COQ7: variants seen among roughly 807,000 people sequenced by gnomAD.
COQ7 encodes coenzyme Q7, hydroxylase, also known as NADPH-dependent 3-demethoxyubiquinone 3-hydroxylase, mitochondrial.
A neutral mutation model predicts 25.0 loss-of-function variants in COQ7; 21 were observed. The observed-to-expected ratio is 0.84, with a 90% CI of 0.60 to 1.21. The LOEUF (loss-of-function observed/expected upper bound fraction) is 1.21. Ranked by LOEUF, COQ7 falls within the 50% of genes most tolerant of loss-of-function variation. COQ7 has a pLI of 0.00. For missense variants in COQ7, 311 were observed against 296.2 expected, an observed-to-expected ratio of 1.05 and a Z score of -0.37; for synonymous variants, 125 against 112.4, an observed-to-expected ratio of 1.11 and a Z score of -0.71.
chr16:19,067,751 C>T lies in COQ7; in HGVS notation c.73+14C>T, dbSNP rs1306548922. 3.1e-6 allele frequency: 5 copies of T among 1,598,314 alleles called. No individual in the cohort carries two copies. The highest frequency in any genetic ancestry group is 3.4e-6 in the Non-Finnish European group (4 of 1,177,484). ...GGTCCCTCTCAGGTAAAAGGAGGCGCGCAGTCACAGTCCTGCGCCGGTCTA... is the reference window on the plus strand; with the variant it reads ...GGTCCCTCTCAGGTAAAAGGAGGCGTGCAGTCACAGTCCTGCGCCGGTCTA... On this transcript the variant is annotated intron_variant, in intron 1 of 5. Transcript: ENST00000321998.
chr16:19,076,585 CTTTTTTTTTTT>C (rs67725348), intron 4 of COQ7, among the ~76,000 whole-genome samples: 8 of 80,510 alleles, frequency 9.9e-5, no homozygotes, highest in Admixed American at 4.6e-4. Flanking sequence ...GTGCTGTTCA[CTTTTTTTTTTT>C]TTTTTTTTTT....
intron 1 of COQ7, among the ~76,000 whole-genome samples, chr16:19,070,828 T>C (rs1369588319): frequency 6.6e-6 from 1 of 152,044 alleles, no homozygotes. Context: ...CTATTTTCCG[T>C]ATCTGCAAAA....
chr16:19,078,917 G>A lies in COQ7; in HGVS notation c.*759G>A, dbSNP rs1025674509. 13 of 152,252 alleles carry A rather than the reference G, an allele frequency of 8.5e-5. No homozygotes were observed. Among genetic ancestry groups the A allele is most frequent in the African/African-American group, 1.2e-4 (5 of 41,550 alleles). The allele number at this position is 152,252 out of a possible 1,614,324, so 9.4% of individuals were successfully genotyped here. ...TCCATCAAGTAAGTCAAAGATCATCGTTTCTGTTTTGAATTGTGGGTGATA... is the reference window on the plus strand; with the variant it reads ...TCCATCAAGTAAGTCAAAGATCATCATTTCTGTTTTGAATTGTGGGTGATA... On this transcript the variant is annotated 3_prime_UTR_variant, in exon 6 of 6. Coordinates refer to ENST00000321998, the MANE Select transcript of COQ7 (RefSeq NM_016138.5).
Position 19,075,863 on chromosome 16 carries a change from A to T in COQ7, c.507+3A>T. 1 of 1,614,164 alleles carries T rather than the reference A, an allele frequency of 6.2e-7. No individual in the cohort carries two copies. Among genetic ancestry groups the T allele is most frequent in the African/African-American group, 1.3e-5 (1 of 75,068 alleles). ...AAAAATACGAGGAACTTCTTCAGGT[A>T]TTTATCCGTGCTCTAGAACGGGGCT... On this transcript the variant is annotated splice_donor_region_variant and intron_variant, in intron 4 of 5. Transcript: ENST00000321998.
intron 2 of COQ7, among the ~76,000 whole-genome samples, chr16:19,073,178 G>T (rs535354104): frequency 5.4e-4 from 82 of 152,234 alleles, no homozygotes; most frequent in Admixed American, 1.3e-3. Flanking sequence ...GCATGGTGGT[G>T]CATGCCTGTA....
At chr16:19,074,155 AT>A in intron 3 of COQ7, 120 bp downstream of exon 3, 1 of 631,672 alleles carries the variant, frequency 1.6e-6, no homozygotes, top group South Asian at 2.8e-5. Flanking sequence ...TTTACTTCAT[AT>A]TTTTCCGAGG....
At chr16:19,074,224 G>A (rs1962714621) in intron 3 of COQ7, 189 bp downstream of exon 3, 1 of 485,708 alleles carries the variant, frequency 2.1e-6, no homozygotes, top group Non-Finnish European at 3.7e-6. Context: ...GAATCTTAAT[G>A]TCAGTACTTT....
chr16:19,068,787 G>T, intron 1 of COQ7: 7 of 388,394 alleles, frequency 1.8e-5, no homozygotes, highest in Admixed American at 3.2e-5. Context: ...GTGTTTTTTT[G>T]TATAGCTATG....
chr16:19,081,889 C>T (rs1474344269), downstream of COQ7, among the ~76,000 whole-genome samples: 1 of 152,086 alleles, frequency 6.6e-6, no homozygotes, highest in African/African-American at 2.4e-5. Context: ...CTGGCTGAAG[C>T]TCAGAAGAAA....
intron 1 of COQ7, among the ~76,000 whole-genome samples, chr16:19,070,352 G>A (rs1346053518): frequency 6.6e-6 from 1 of 152,136 alleles, no homozygotes; most frequent in Non-Finnish European, 1.5e-5. Context: ...CCACATATTC[G>A]CTGGCTGTTG....
chr16:19,072,404 A>G lies in COQ7; in HGVS notation c.252+298A>G, dbSNP rs190619719. On this transcript the variant is annotated intron_variant, in intron 2 of 5. Coordinates refer to ENST00000321998, the MANE Select transcript of COQ7 (RefSeq NM_016138.5). ...TAAGAATCGCTCAGCACAGCAGTCAACTGTGCTGAAATGTTGCAGCCCTGC... is the reference window on the plus strand; with the variant it reads ...TAAGAATCGCTCAGCACAGCAGTCAGCTGTGCTGAAATGTTGCAGCCCTGC... 2,285 of 353,020 alleles carry G rather than the reference A, an allele frequency of 6.5e-3. 29 individuals are homozygous for G. Among genetic ancestry groups the G allele is most frequent in the Non-Finnish European group, 7.7e-3 (1,449 of 189,012 alleles). 21.9% of individuals were successfully genotyped at this position (353,020 alleles called of 1,614,324 possible). A position where few individuals can be genotyped will look rare whatever the true frequency, so the allele number is the denominator to read the frequency against.
intron 4 of COQ7, among the ~76,000 whole-genome samples, chr16:19,076,182 G>A (rs1962829470): frequency 6.6e-6 from 1 of 151,684 alleles, no homozygotes. Context: ...AAACTCTTGG[G>A]TTCAAGTGAT....
chr16:19,067,963 CT>C (rs745813908), intron 1 of COQ7: 12 of 1,422,598 alleles, frequency 8.4e-6, no homozygotes, highest in Non-Finnish European at 1.1e-5. Flanking sequence ...GCAGTGACGC[CT>C]GGGGAGTGAC....
chr16:19,069,407 G>GC (rs1473687656), intron 1 of COQ7, among the ~76,000 whole-genome samples: 1 of 124,382 alleles, frequency 8.0e-6, no homozygotes, highest in Non-Finnish European at 1.7e-5. Context: ...CCTGATTATT[G>GC]CCTTTTTTTT....
intron 4 of COQ7, 97 bp downstream of exon 4, chr16:19,075,957 A>G (rs531248347): frequency 2.0e-6 from 3 of 1,521,358 alleles, no homozygotes; most frequent in Non-Finnish European, 1.8e-6. Context: ...TTAGGGGATG[A>G]TGGGGGTTTA....
downstream of COQ7, among the ~76,000 whole-genome samples, chr16:19,081,820 T>C (rs1404653275): frequency 6.6e-6 from 1 of 152,248 alleles, no homozygotes; most frequent in Non-Finnish European, 1.5e-5. Context: ...TAGTTGTTTT[T>C]AAGTTTTTGT....
chr16:19,071,623 G>GC (rs1315526132), intron 1 of COQ7, among the ~76,000 whole-genome samples: 4 of 152,238 alleles, frequency 2.6e-5, no homozygotes, highest in Admixed American at 2.6e-4. Flanking sequence ...GGCGAAGTGG[G>GC]CCAGAGGGTT....
At chr16:19,080,792 C>T (rs943481045), downstream of COQ7, among the ~76,000 whole-genome samples, 25 of 151,908 alleles carry the variant, frequency 1.6e-4, no homozygotes, top group East Asian at 1.9e-4. Flanking sequence ...ACAGAAATAA[C>T]GAAATTTCTT....
In COQ7 at chr16:19,077,975, C is replaced by T. The variant is rs1345641984; in HGVS notation, c.577-106C>T. ...AACTAAAATAAATTGTTCCTTAGAT[C>T]TATTTCTTATCCAGAGAAATCCAAA... On this transcript the variant is annotated intron_variant, in intron 5 of 5. Coordinates refer to ENST00000321998, the MANE Select transcript of COQ7 (RefSeq NM_016138.5). The T allele has an allele frequency of 6.8e-6, 5 of 734,956 alleles. No homozygotes were observed. In the South Asian group the frequency reaches 1.0e-4, roughly 15 times the overall value. The allele number at this position is 734,956 out of a possible 1,614,324, so 45.5% of individuals were successfully genotyped here.
Sources: gnomAD v4.1 joint callset for allele counts (sites outside exome capture counted in the v4.1 genomes callset) on GRCh38, gnomAD v4.1.1 for gene constraint, MANE v1.5 for transcripts, NCBI Gene and HGNC (gene_info 2026-07-23, HGNC 2026-07-21) for gene names.